Variants in XKR9 observed in about 807,000 individuals in gnomAD.
XKR9 encodes the protein XK-related protein 9.
In XKR9, 32 loss-of-function variants were observed where a neutral mutation model predicts 32.0. That is an observed-to-expected ratio of 1.00 (90% CI 0.76 to 1.34). The LOEUF is 1.34. XKR9 is among the 40% of genes most tolerant of loss of function. The pLI is 0.00. For synonymous variants in XKR9, 168 were observed against 143.4 expected (o/e 1.17, Z -1.22); for missense variants, 546 against 429.7 (o/e 1.27, Z -2.39).
the XKR9 span, among the ~76,000 whole-genome samples, chr8:70,893,325 T>C: frequency 6.6e-6 from 1 of 152,260 alleles, no homozygotes; most frequent in Non-Finnish European, 1.5e-5. Flanking sequence ...GCTTCTTTTT[T>C]TGGTAATTCA....
At chr8:70,918,017 A>G in the XKR9 span, among the ~76,000 whole-genome samples, 1 of 152,232 alleles carries the variant, frequency 6.6e-6, no homozygotes, top group Admixed American at 6.5e-5. Context: ...TAATTATGTG[A>G]TCTTGCCTTA....
chr8:70,697,741 A>G (rs1294831747), intron 3 of XKR9, among the ~76,000 whole-genome samples: 3 of 151,992 alleles, frequency 2.0e-5, no homozygotes, highest in Non-Finnish European at 4.4e-5. Context: ...ATTGAGTGGA[A>G]TAGTTTCAGA....
At chr8:70,722,824 G>A (rs183800836) in intron 4 of XKR9, among the ~76,000 whole-genome samples, 13 of 152,138 alleles carry the variant, frequency 8.5e-5, no homozygotes, top group African/African-American at 2.2e-4. Flanking sequence ...TGTATTTCCC[G>A]AATTTGAATG....
the XKR9 span, among the ~76,000 whole-genome samples, chr8:70,964,633 C>A: frequency 7.9e-5 from 12 of 152,250 alleles, no homozygotes; most frequent in Non-Finnish European, 1.5e-4. Context: ...TTTCCTTGAG[C>A]AGTGGTTTGT....
the XKR9 span, among the ~76,000 whole-genome samples, chr8:70,903,770 GC>G: frequency 6.6e-6 from 1 of 151,708 alleles, no homozygotes; most frequent in African/African-American, 2.4e-5. Flanking sequence ...TATCTTGTGG[GC>G]ATTTAGTGCT....
the XKR9 span, among the ~76,000 whole-genome samples, chr8:70,908,321 A>G: frequency 2.0e-5 from 3 of 152,326 alleles, no homozygotes; most frequent in East Asian, 3.9e-4. Context: ...TTTTAAATCC[A>G]TGTAATCTTT....
At chr8:70,723,652 A>G (rs904730118) in intron 4 of XKR9, among the ~76,000 whole-genome samples, 1 of 152,152 alleles carries the variant, frequency 6.6e-6, no homozygotes, top group East Asian at 1.9e-4. Flanking sequence ...AGGCTGCAGA[A>G]CAGCAAAGAT....
At chr8:70,822,060 G>A in the XKR9 span, among the ~76,000 whole-genome samples, 1 of 152,042 alleles carries the variant, frequency 6.6e-6, no homozygotes, top group Non-Finnish European at 1.5e-5. Context: ...TTAAACATAA[G>A]TTTCAATTCC....
At chr8:70,951,642 A>G in the XKR9 span, among the ~76,000 whole-genome samples, 1 of 152,264 alleles carries the variant, frequency 6.6e-6, no homozygotes, top group Non-Finnish European at 1.5e-5. Flanking sequence ...GTACCATTAA[A>G]AAGAAAACAA....
At chr8:70,679,808 G>T (rs1330687655) in intron 2 of XKR9, among the ~76,000 whole-genome samples, 1 of 152,178 alleles carries the variant, frequency 6.6e-6, no homozygotes, top group Admixed American at 6.6e-5. Context: ...TACATTTTAA[G>T]TGATAGAAGA....
At chr8:70,768,174 A>G (rs1807404104) in intron 2 of XKR9, among the ~76,000 whole-genome samples, 2 of 152,032 alleles carry the variant, frequency 1.3e-5, no homozygotes, top group Admixed American at 1.3e-4. Flanking sequence ...TAATTTTGTT[A>G]TTTACCTAGT....
At chr8:70,864,133 G>C in the XKR9 span, among the ~76,000 whole-genome samples, 1 of 152,168 alleles carries the variant, frequency 6.6e-6, no homozygotes, top group Non-Finnish European at 1.5e-5. Flanking sequence ...GGTAATAAAG[G>C]ATTCTCATTT....
the XKR9 span, among the ~76,000 whole-genome samples, chr8:70,859,243 GA>G: frequency 1.3e-5 from 2 of 152,128 alleles, no homozygotes; most frequent in South Asian, 2.1e-4. Flanking sequence ...ACAGATATAT[GA>G]AAAAATTTAC....
the XKR9 span, among the ~76,000 whole-genome samples, chr8:70,908,473 G>T: frequency 6.6e-6 from 1 of 152,202 alleles, no homozygotes; most frequent in South Asian, 2.1e-4. Context: ...CACTGCCAGA[G>T]ACCTGACTTG....
chr8:70,859,901 G>T, the XKR9 span, among the ~76,000 whole-genome samples: 1 of 152,024 alleles, frequency 6.6e-6, no homozygotes, highest in Non-Finnish European at 1.5e-5. Context: ...TAAATGGAAG[G>T]AATAAATTCC....
chr8:70,852,654 G>A, the XKR9 span, among the ~76,000 whole-genome samples: 2 of 152,134 alleles, frequency 1.3e-5, no homozygotes, highest in South Asian at 4.1e-4. Flanking sequence ...ATACACCATG[G>A]AATACTATGC....
chr8:70,802,076 A>G, the XKR9 span, among the ~76,000 whole-genome samples: 1 of 151,658 alleles, frequency 6.6e-6, no homozygotes, highest in South Asian at 2.1e-4. Flanking sequence ...AGCTGGGACT[A>G]CAGGCGCCCA....
chr8:70,712,206 C>T (rs1181815110), intron 4 of XKR9, among the ~76,000 whole-genome samples: 2 of 151,892 alleles, frequency 1.3e-5, no homozygotes, highest in Non-Finnish European at 2.9e-5. Flanking sequence ...AGATGGAAAA[C>T]CTAGGTTATT....
chr8:70,797,468 T>C, the XKR9 span, among the ~76,000 whole-genome samples: 3 of 152,204 alleles, frequency 2.0e-5, no homozygotes, highest in Non-Finnish European at 4.4e-5. Context: ...ATATTCCTTC[T>C]TCTTCAACTC....
Sources: allele counts gnomAD v4.1 joint callset (sites outside exome capture counted in the v4.1 genomes callset), GRCh38; gene constraint gnomAD v4.1.1; transcripts MANE v1.5; gene names NCBI Gene and HGNC (gene_info 2026-07-23, HGNC 2026-07-21).